SLC30A9: variants seen among roughly 807,000 people sequenced by gnomAD.
SLC30A9 encodes solute carrier family 30 member 9, also known as proton-coupled zinc antiporter SLC30A9, mitochondrial.
A neutral mutation model predicts 87.5 loss-of-function variants in SLC30A9; 58 were observed. That is an observed-to-expected ratio of 0.66 (90% CI 0.54 to 0.82). SLC30A9 has a LOEUF of 0.82. SLC30A9 is among the 40% of genes least tolerant of loss of function. The pLI, the probability that SLC30A9 is intolerant of heterozygous loss-of-function variation, is 0.00. For missense variants in SLC30A9, 557 were observed against 679.1 expected, an observed-to-expected ratio of 0.82 and a Z score of 2.00; for synonymous variants, 234 against 233.0, an observed-to-expected ratio of 1.00 and a Z score of -0.04.
intron 17 of SLC30A9, among the ~76,000 whole-genome samples, chr4:42,081,365 G>A (rs1718735663): frequency 6.6e-6 from 1 of 152,002 alleles, no homozygotes; most frequent in Non-Finnish European, 1.5e-5. Context: ...ATTGTTTGAT[G>A]CCATTTGTGT....
In SLC30A9 at chr4:42,062,506, A is replaced by C. The variant is rs187537551; in HGVS notation, c.897-480A>C. ...GTTGAAAGTTGCTGTGTGCTAACCT[A>C]TTCAGAACCAGCAATAAATTATGTG... On this transcript the variant is annotated intron_variant, in intron 10 of 17. Transcript: ENST00000264451. Among the ~76,000 whole-genome samples the C allele has an allele frequency of 3.0e-3, 463 of 152,316 alleles. 2 individuals are homozygous for C. The highest frequency in any genetic ancestry group is 0.012 in the South Asian group (58 of 4,824).
chr4:42,065,219 T>C, intron 11 of SLC30A9, 91 bp from the exon 12 acceptor site: 1 of 730,588 alleles, frequency 1.4e-6, no homozygotes, highest in Non-Finnish European at 2.5e-6. Context: ...TTTGAATTCG[T>C]GTTTTTGTTT....
chr4:42,078,210 A>C lies in SLC30A9; in HGVS notation c.1549-2A>C. 1.4e-6 allele frequency: 2 copies of C among 1,404,054 alleles called. No homozygotes were observed. Among genetic ancestry groups the C allele is most frequent in the Non-Finnish European group, 2.0e-6 (2 of 1,017,860 alleles). 87.0% of individuals were successfully genotyped at this position (1,404,054 alleles called of 1,614,324 possible). A position where few individuals can be genotyped will look rare whatever the true frequency, so the allele number is the denominator to read the frequency against. On this transcript the variant is annotated splice_acceptor_variant, in intron 16 of 17. Coordinates refer to ENST00000264451, the MANE Select transcript of SLC30A9 (RefSeq NM_006345.4). LOFTEE classifies it high-confidence loss of function. Reference sequence around the variant, plus strand: ...ATTTTCCTGTTTTCATTTTCTTTATAGGAAATTCAAGAAGTGAAAACTCCT... The same window carrying C: ...ATTTTCCTGTTTTCATTTTCTTTATCGGAAATTCAAGAAGTGAAAACTCCT...
At position 42,049,484 on chromosome 4, in the gene SLC30A9, G is replaced by A. The variant is rs766375045; in HGVS notation, c.840+5G>A. 52 of 1,441,920 alleles carry A rather than the reference G, an allele frequency of 3.6e-5. No individual in the cohort carries two copies. The highest frequency in any genetic ancestry group is 4.8e-5 in the Non-Finnish European group (51 of 1,056,348). The allele number at this position is 1,441,920 out of a possible 1,614,324, so 89.3% of individuals were successfully genotyped here. A position where few individuals can be genotyped will look rare whatever the true frequency, so the allele number is the denominator to read the frequency against. On this transcript the variant is annotated splice_donor_5th_base_variant and intron_variant, in intron 9 of 17. Coordinates refer to ENST00000264451, the MANE Select transcript of SLC30A9 (RefSeq NM_006345.4). The stretch of plus-strand genomic sequence containing the variant: ...TTATCTGATACTTGTAATCAGGTGA[G>A]GACTAAAGCTTTTTTTATAAGTCAA...
chr4:42,070,133 A>C (rs1454551465), intron 14 of SLC30A9: 1 of 156,074 alleles, frequency 6.4e-6, no homozygotes, highest in Non-Finnish European at 1.4e-5. Flanking sequence ...ATACGGAAAA[A>C]GGTTTCTTTC....
chr4:42,076,152 G>A (rs370378809), intron 16 of SLC30A9, among the ~76,000 whole-genome samples: 25 of 151,988 alleles, frequency 1.6e-4, no homozygotes, highest in African/African-American at 5.3e-4. Flanking sequence ...TATATGAATC[G>A]AGATCTGCCT....
chr4:42,065,170 G>A, intron 11 of SLC30A9, 140 bp from the exon 12 acceptor site: 4 of 627,376 alleles, frequency 6.4e-6, no homozygotes, highest in Non-Finnish European at 1.2e-5. Flanking sequence ...CTCCTCATTT[G>A]AGTTGTTTCC....
intron 11 of SLC30A9, 97 bp downstream of exon 11, chr4:42,063,218 C>T (rs1034814707): frequency 2.8e-6 from 3 of 1,075,556 alleles, no homozygotes; most frequent in East Asian, 2.4e-5. Flanking sequence ...AGGAGAATGA[C>T]ATACACCTTC....
At position 42,001,798 on chromosome 4, in the gene SLC30A9, A is replaced by G; in HGVS notation, c.274+18A>G. 1 of 1,577,766 alleles carries G rather than the reference A, an allele frequency of 6.3e-7. No individual in the cohort carries two copies. Among genetic ancestry groups the G allele is most frequent in the Non-Finnish European group, 8.6e-7 (1 of 1,157,450 alleles). On this transcript the variant is annotated intron_variant, in intron 2 of 17. Transcript: ENST00000264451. ...TGAAACAGGTATGTGTAATTTTTTT[A>G]ATGTACTTTTTTCTGTATACTGGAA...
At chr4:42,067,564 A>C (rs970157971) in intron 14 of SLC30A9, among the ~76,000 whole-genome samples, 1 of 152,230 alleles carries the variant, frequency 6.6e-6, no homozygotes, top group Non-Finnish European at 1.5e-5. Flanking sequence ...AGTTTTAATA[A>C]ACTCTAAAGT....
chr4:42,043,002 A>G (rs10805093), intron 8 of SLC30A9, among the ~76,000 whole-genome samples: 99,255 of 152,074 alleles, frequency 0.65, 36,890 homozygotes, highest in East Asian at 0.96. Context: ...GTTAGAAAGA[A>G]AACTAACAAA....
At chr4:42,053,865 T>C (rs10938170) in intron 9 of SLC30A9, among the ~76,000 whole-genome samples, 99,272 of 152,026 alleles carry the variant, frequency 0.65, 36,906 homozygotes, top group East Asian at 0.96. Flanking sequence ...AATGAAGTAC[T>C]TTTCTGACTG....
At chr4:41,993,505 T>C (rs183042131) in intron 1 of SLC30A9, among the ~76,000 whole-genome samples, 178 of 152,242 alleles carry the variant, frequency 1.2e-3, no homozygotes, top group African/African-American at 4.0e-3. Flanking sequence ...AAGTGGCCAA[T>C]AAAAATGCAA....
intron 9 of SLC30A9, among the ~76,000 whole-genome samples, chr4:42,052,426 C>A (rs148072739): frequency 7.2e-5 from 11 of 152,248 alleles, no homozygotes; most frequent in African/African-American, 2.6e-4. Flanking sequence ...AAAATTCATA[C>A]GGACATGCAA....
chr4:42,011,411 G>C (rs368463053), intron 2 of SLC30A9, among the ~76,000 whole-genome samples: 23 of 152,260 alleles, frequency 1.5e-4, no homozygotes, highest in African/African-American at 4.8e-4. Flanking sequence ...TGGGGACACA[G>C]AGCCAAACCA....
intron 16 of SLC30A9, 30 bp from the exon 17 acceptor site, chr4:42,078,182 T>C (rs1333439928): frequency 1.3e-5 from 15 of 1,166,246 alleles, no homozygotes; most frequent in Non-Finnish European, 1.9e-5. Context: ...TTTTTAAAAA[T>C]TTATTTTCCT....
intron 11 of SLC30A9, among the ~76,000 whole-genome samples, chr4:42,064,713 C>T (rs1410166760): frequency 4.6e-5 from 7 of 152,068 alleles, no homozygotes; most frequent in Admixed American, 1.3e-4. Flanking sequence ...TCTAAAAGCT[C>T]TTGTGTCTTT....
intron 10 of SLC30A9, 118 bp downstream of exon 10, chr4:42,060,364 T>C (rs1017860901): frequency 1.2e-5 from 9 of 778,214 alleles, no homozygotes; most frequent in Non-Finnish European, 1.8e-5. Context: ...TTTGGTCATT[T>C]CTTCCACTGT....
At chr4:41,990,841 A>T (rs930569075) in intron 1 of SLC30A9, 81 bp downstream of exon 1, 5 of 1,000,830 alleles carry the variant, frequency 5.0e-6, no homozygotes, top group African/African-American at 3.2e-5. Flanking sequence ...GCCTGGGGCA[A>T]TTCGCCCACT....
Sources: allele counts gnomAD v4.1 joint callset (sites outside exome capture counted in the v4.1 genomes callset), GRCh38; gene constraint gnomAD v4.1.1; transcripts MANE v1.5; gene names NCBI Gene and HGNC (gene_info 2026-07-23, HGNC 2026-07-21).